FSIP1: variants seen among roughly 807,000 people sequenced by gnomAD.
FSIP1 encodes fibrous sheath interacting protein 1.
In FSIP1, 65 loss-of-function variants were observed where a neutral mutation model predicts 60.9. That is an observed-to-expected ratio of 1.07 (90% CI 0.87 to 1.31). The LOEUF (loss-of-function observed/expected upper bound fraction) is 1.31, where lower values mean the gene tolerates loss of function less well. Ranked by LOEUF, FSIP1 falls within the 40% of genes most tolerant of loss-of-function variation. The pLI is 0.00. For synonymous variants in FSIP1, 209 were observed against 221.2 expected, an observed-to-expected ratio of 0.94 and a Z score of 0.49; for missense variants, 675 against 665.5, an observed-to-expected ratio of 1.01 and a Z score of -0.16.
At chr15:39,619,581 GTC>G (rs1891368590) in intron 10 of FSIP1, among the ~76,000 whole-genome samples, 1 of 152,096 alleles carries the variant, frequency 6.6e-6, no homozygotes, top group Non-Finnish European at 1.5e-5. Context: ...TCTACTTTTA[GTC>G]ACTAGGCATT....
intron 10 of FSIP1, among the ~76,000 whole-genome samples, chr15:39,684,869 C>T (rs1391729832): frequency 2.0e-5 from 3 of 152,148 alleles, no homozygotes; most frequent in Non-Finnish European, 4.4e-5. Context: ...TTAGTATCCC[C>T]TCTCCCAGAT....
At chr15:39,654,014 C>T (rs892865213) in intron 10 of FSIP1, among the ~76,000 whole-genome samples, 6 of 152,178 alleles carry the variant, frequency 3.9e-5, no homozygotes, top group African/African-American at 1.4e-4. Flanking sequence ...TCACCAACAT[C>T]ACTGTCTTCC....
intron 9 of FSIP1, among the ~76,000 whole-genome samples, chr15:39,718,687 G>C (rs1895843556): frequency 1.3e-5 from 2 of 151,924 alleles, no homozygotes; most frequent in South Asian, 4.2e-4. Context: ...AAGAAGAAAT[G>C]GGTTTCACTA....
chr15:39,629,197 C>A (rs925222308), intron 10 of FSIP1, among the ~76,000 whole-genome samples: 1 of 152,086 alleles, frequency 6.6e-6, no homozygotes, highest in Non-Finnish European at 1.5e-5. Context: ...CTTGTAGATT[C>A]CTGGCGCTGG....
rs114384279 is a variant in FSIP1, at chr15:39,763,514, G to A, written c.559+307C>T. ...GCAGTTAGGGAATTGTATGCAGAAA[G>A]TGGGGTCTAAAGACACCTAAAAGAG... On this transcript the variant is annotated intron_variant, in intron 5 of 11. Transcript: ENST00000350221. 6.6e-3 allele frequency among the ~76,000 whole-genome samples: 1,002 copies of A among 152,274 alleles called. 15 individuals are homozygous for A. The highest frequency in any genetic ancestry group is 0.023 in the African/African-American group (963 of 41,528).
chr15:39,701,767 C>T (rs1435750399), intron 10 of FSIP1, among the ~76,000 whole-genome samples: 1 of 152,226 alleles, frequency 6.6e-6, no homozygotes, highest in African/African-American at 2.4e-5. Context: ...GTGGAACTGA[C>T]TCTATAGTGT....
intron 10 of FSIP1, among the ~76,000 whole-genome samples, chr15:39,696,434 T>C (rs905335820): frequency 6.6e-6 from 1 of 152,130 alleles, no homozygotes; most frequent in Non-Finnish European, 1.5e-5. Flanking sequence ...TTAAAGCAAC[T>C]ATATCATTTT....
chr15:39,738,400 C>G (rs909659983), intron 7 of FSIP1, among the ~76,000 whole-genome samples, 199 bp from the exon 8 acceptor site: 1 of 151,914 alleles, frequency 6.6e-6, no homozygotes. Flanking sequence ...AAGATATTAT[C>G]CCTATAAGCA....
intron 10 of FSIP1, among the ~76,000 whole-genome samples, chr15:39,624,879 C>T (rs1240081272): frequency 6.6e-6 from 1 of 152,172 alleles, no homozygotes; most frequent in Non-Finnish European, 1.5e-5. Context: ...TGTAAACCAC[C>T]ATCAAGAGTG....
At chr15:39,741,719 A>G (rs1201085792) in intron 6 of FSIP1, 86 bp downstream of exon 6, 3 of 707,548 alleles carry the variant, frequency 4.2e-6, no homozygotes, top group Admixed American at 2.3e-5. Context: ...ATTAAATTAC[A>G]TGAACTTATT....
chr15:39,745,990 G>T (rs1896979557), intron 5 of FSIP1, among the ~76,000 whole-genome samples: 1 of 151,886 alleles, frequency 6.6e-6, no homozygotes, highest in Non-Finnish European at 1.5e-5. Context: ...GAGGTGGGAG[G>T]ATCCCTTGAG....
At chr15:39,740,332 T>C (rs1188900760) in intron 6 of FSIP1, among the ~76,000 whole-genome samples, 1 of 152,176 alleles carries the variant, frequency 6.6e-6, no homozygotes, top group East Asian at 1.9e-4. Context: ...AGTTGGCCAA[T>C]TTTCCTCAAC....
At chr15:39,707,026 T>C (rs571343266) in intron 10 of FSIP1, among the ~76,000 whole-genome samples, 188 of 152,270 alleles carry the variant, frequency 1.2e-3, no homozygotes, top group African/African-American at 4.2e-3. Flanking sequence ...GTATATACAT[T>C]ACAATTTTTC....
At chr15:39,692,673 T>A (rs1446246120) in intron 10 of FSIP1, among the ~76,000 whole-genome samples, 1 of 152,054 alleles carries the variant, frequency 6.6e-6, no homozygotes, top group Non-Finnish European at 1.5e-5. Flanking sequence ...GAAATATAAT[T>A]AGTGCCTATG....
intron 10 of FSIP1, among the ~76,000 whole-genome samples, chr15:39,630,122 C>T (rs1891819354): frequency 6.6e-6 from 1 of 152,184 alleles, no homozygotes; most frequent in Non-Finnish European, 1.5e-5. Context: ...GCACACAAAG[C>T]CCAACGTCAT....
At chr15:39,622,540 A>T (rs943867995) in intron 10 of FSIP1, among the ~76,000 whole-genome samples, 4 of 152,368 alleles carry the variant, frequency 2.6e-5, no homozygotes, top group Middle Eastern at 6.8e-3. Flanking sequence ...CAGAATAATA[A>T]TAAATAGGTA....
At chr15:39,690,003 A>C (rs930680900) in intron 10 of FSIP1, among the ~76,000 whole-genome samples, 4 of 152,230 alleles carry the variant, frequency 2.6e-5, no homozygotes, top group African/African-American at 9.6e-5. Flanking sequence ...TATGGAGTGG[A>C]GTTTTTCTAC....
chr15:39,711,676 CTTTTTTTTTTT>C (rs66840718), intron 10 of FSIP1, among the ~76,000 whole-genome samples: 1 of 85,734 alleles, frequency 1.2e-5, no homozygotes, highest in Non-Finnish European at 2.0e-5. Flanking sequence ...ATTCCTACTT[CTTTTTTTTTTT>C]TTTTTTTTTT....
intron 5 of FSIP1, among the ~76,000 whole-genome samples, chr15:39,744,351 T>C (rs1255360262): frequency 6.6e-6 from 1 of 152,154 alleles, no homozygotes; most frequent in East Asian, 1.9e-4. Context: ...AAGTTTTTAA[T>C]ATGAGTCCTG....
Sources: gnomAD v4.1 joint callset for allele counts (sites outside exome capture counted in the v4.1 genomes callset) on GRCh38, gnomAD v4.1.1 for gene constraint, MANE v1.5 for transcripts, NCBI Gene and HGNC (gene_info 2026-07-23, HGNC 2026-07-21) for gene names.